DENND1A: variants seen among roughly 807,000 people sequenced by gnomAD.
DENND1A encodes DENN domain-containing protein 1A.
A neutral mutation model predicts 113.7 loss-of-function variants in DENND1A; 51 were observed. The ratio of observed to expected loss-of-function variants is 0.45; its 90% confidence interval spans 0.36 to 0.57. The LOEUF (loss-of-function observed/expected upper bound fraction) is 0.57. Among genes scored for constraint, DENND1A ranks in the 20% least tolerant of loss-of-function variants. The probability of loss-of-function intolerance (pLI) is 0.00; values close to 1 mark genes in which losing one functional copy is unlikely to be tolerated. For synonymous variants in DENND1A, 565 were observed against 570.8 expected (o/e 0.99, Z 0.14); for missense variants, 1,258 against 1,395.9 (o/e 0.90, Z 1.57).
chr9:123,798,216 A>G (rs1834062561), intron 2 of DENND1A: 1 of 152,190 alleles, frequency 6.6e-6, no homozygotes, highest in Admixed American at 6.5e-5. Context: ...CACCCATAAT[A>G]AAAACACAAA....
intron 10 of DENND1A, among the ~76,000 whole-genome samples, chr9:123,620,850 TA>T (rs922492047): frequency 3.4e-4 from 52 of 151,180 alleles, no homozygotes; most frequent in African/African-American, 1.2e-3. Context: ...CTTCTTAGCT[TA>T]AAAAAAAATA....
intron 19 of DENND1A, among the ~76,000 whole-genome samples, chr9:123,438,519 C>A (rs576621154): frequency 6.6e-6 from 1 of 152,110 alleles, no homozygotes; most frequent in Non-Finnish European, 1.5e-5. Context: ...GTAGGCTCTG[C>A]GGCTGCAGCT....
At chr9:123,463,523 T>C (rs2048700853) in intron 13 of DENND1A, among the ~76,000 whole-genome samples, 1 of 152,250 alleles carries the variant, frequency 6.6e-6, no homozygotes, top group East Asian at 1.9e-4. Flanking sequence ...ACTGATTTAA[T>C]TTTTATCAAA....
intron 19 of DENND1A, among the ~76,000 whole-genome samples, chr9:123,435,535 A>C (rs891608791): frequency 6.6e-6 from 1 of 152,260 alleles, no homozygotes; most frequent in African/African-American, 2.4e-5. Flanking sequence ...AGAAGAACAG[A>C]GGCAGCACCT....
intron 5 of DENND1A, among the ~76,000 whole-genome samples, chr9:123,741,079 T>A (rs763221834): frequency 2.0e-5 from 3 of 152,286 alleles, no homozygotes; most frequent in Non-Finnish European, 2.9e-5. Flanking sequence ...TCTTGTACCC[T>A]CTCAAGGAAA....
At chr9:123,767,282 G>C (rs1182155644) in intron 4 of DENND1A, among the ~76,000 whole-genome samples, 3 of 152,052 alleles carry the variant, frequency 2.0e-5, no homozygotes, top group East Asian at 1.9e-4. Flanking sequence ...TGATTTTTTG[G>C]TATCAATAAA....
chr9:123,744,658 C>G (rs2069317627), intron 5 of DENND1A, among the ~76,000 whole-genome samples: 1 of 152,092 alleles, frequency 6.6e-6, no homozygotes, highest in African/African-American at 2.4e-5. Context: ...CACATGTATG[C>G]CCACATACAT....
intron 2 of DENND1A, among the ~76,000 whole-genome samples, chr9:123,872,052 T>G (rs192705896): frequency 5.9e-5 from 9 of 152,326 alleles, no homozygotes; most frequent in African/African-American, 2.2e-4. Flanking sequence ...TCGCACAGAC[T>G]GAATTCAGAC....
intron 13 of DENND1A, among the ~76,000 whole-genome samples, chr9:123,504,245 C>T (rs944941962): frequency 6.6e-6 from 1 of 152,314 alleles, no homozygotes; most frequent in South Asian, 2.1e-4. Flanking sequence ...GCCAAAATAT[C>T]CCCTCCTCTG....
chr9:123,384,056 G>A, intron 22 of DENND1A, 143 bp from the exon 23 acceptor site: 1 of 1,158,030 alleles, frequency 8.6e-7, no homozygotes, highest in Non-Finnish European at 1.2e-6. Context: ...TCTCCGTGAG[G>A]GCAGGAGTCT....
chr9:123,878,695 C>T (rs1227397201), intron 2 of DENND1A, among the ~76,000 whole-genome samples: 1 of 150,676 alleles, frequency 6.6e-6, no homozygotes, highest in African/African-American at 2.5e-5. Flanking sequence ...GTGAAAGATG[C>T]AAACCAAGAC....
chr9:123,610,145 G>A (rs1278076319), intron 10 of DENND1A, among the ~76,000 whole-genome samples: 1 of 152,214 alleles, frequency 6.6e-6, no homozygotes, highest in Admixed American at 6.5e-5. Flanking sequence ...ACTGAGCAAA[G>A]GCATGAGAAC....
intron 9 of DENND1A, among the ~76,000 whole-genome samples, chr9:123,635,831 G>A (rs946167750): frequency 1.3e-4 from 20 of 152,124 alleles, no homozygotes; most frequent in African/African-American, 4.8e-4. Context: ...GCTTTTTGTC[G>A]TGTTCCCTTT....
chr9:123,891,978 A>C (rs1242778712), intron 1 of DENND1A, among the ~76,000 whole-genome samples: 3 of 152,210 alleles, frequency 2.0e-5, no homozygotes, highest in Non-Finnish European at 4.4e-5. Flanking sequence ...AAGCCCAGCA[A>C]ACACCTGGAG....
intron 9 of DENND1A, among the ~76,000 whole-genome samples, chr9:123,631,703 T>G (rs1186444812): frequency 3.3e-5 from 5 of 152,240 alleles, no homozygotes; most frequent in African/African-American, 1.2e-4. Flanking sequence ...TGGCACTGTT[T>G]ACTGACTAAT....
At chr9:123,740,640 T>C (rs59212905) in intron 5 of DENND1A, among the ~76,000 whole-genome samples, 11,560 of 152,240 alleles carry the variant, frequency 0.076, 904 homozygotes, top group African/African-American at 0.2. Context: ...ATTAGGTATC[T>C]TATATAACAT....
intron 13 of DENND1A, among the ~76,000 whole-genome samples, chr9:123,539,160 A>G (rs925820394): frequency 6.6e-6 from 1 of 152,122 alleles, no homozygotes; most frequent in Non-Finnish European, 1.5e-5. Flanking sequence ...ACTAAAACAG[A>G]CAAAACAAGA....
At chr9:123,672,214 G>A (rs768228867) in intron 6 of DENND1A, among the ~76,000 whole-genome samples, 12 of 152,132 alleles carry the variant, frequency 7.9e-5, no homozygotes, top group Admixed American at 2.0e-4. Flanking sequence ...CTTCACTACA[G>A]CTGTCTTTAA....
At chr9:123,610,392 A>C (rs2060363072) in intron 10 of DENND1A, among the ~76,000 whole-genome samples, 1 of 152,220 alleles carries the variant, frequency 6.6e-6, no homozygotes, top group African/African-American at 2.4e-5. Flanking sequence ...AGGCCTAAAG[A>C]GGTTAGTTAA....
Sources: allele counts gnomAD v4.1 joint callset (sites outside exome capture counted in the v4.1 genomes callset), GRCh38; gene constraint gnomAD v4.1.1; transcripts MANE v1.5; gene names NCBI Gene and HGNC (gene_info 2026-07-23, HGNC 2026-07-21).